The following ERCC6L variants were observed in gnomAD, a reference collection of about 807,000 sequenced individuals.
ERCC6L encodes the protein ERCC excision repair 6 like, spindle assembly checkpoint helicase, also known as DNA excision repair protein ERCC-6-like.
Under a neutral mutation model 20.1 loss-of-function variants are expected in ERCC6L, and 7 were observed. The observed-to-expected ratio is 0.35, with a 90% confidence interval of 0.20 to 0.65. The LOEUF (loss-of-function observed/expected upper bound fraction) is 0.65. Among genes scored for constraint, ERCC6L ranks in the 30% least tolerant of loss-of-function variants. The pLI is 0.69. For missense variants in ERCC6L, 592 were observed against 892.4 expected (o/e 0.66, Z 4.29); for synonymous variants, 278 against 331.3 (o/e 0.84, Z 1.75).
Position 72,207,102 on chromosome X carries a change from G to A in ERCC6L, c.1665C>T (p.Asp555=), listed in dbSNP as rs928138626. 1 of 1,211,592 alleles carries A rather than the reference G, an allele frequency of 8.3e-7. No homozygotes were observed. The highest frequency in any genetic ancestry group is 1.1e-6 in the Non-Finnish European group (1 of 895,505). The change falls in exon 2 of 2, where the codon GAC becomes GAT. Residue 555 remains aspartate, a synonymous_variant. Transcript: ENST00000334463. The part of the protein sequence containing the change: ...LTAATRVVIF[D]PSWNPATDAQ... ...CATCAGTTGCAGGATTCCAGCTAGG[G>A]TCAAAAATGACCACTCTAGTTGCTG... is the stretch of plus-strand genomic sequence containing the variant.
chrX:72,208,747 G>A, intron 1 of ERCC6L, 49 bp from the exon 2 acceptor site: 1 of 1,010,505 alleles, frequency 9.9e-7, no homozygotes, highest in Non-Finnish European at 1.3e-6. Context: ...TGAACATTCA[G>A]TCTAAGAATG....
At chrX:72,222,935 T>A (rs1193743547) in intron 1 of ERCC6L, among the ~76,000 whole-genome samples, 1 of 108,493 alleles carries the variant, frequency 9.2e-6, no homozygotes, top group African/African-American at 3.4e-5. Flanking sequence ...ACTGAAGCCA[T>A]GCTAAAATAT....
chrX:72,222,892 G>A (rs1347502659), intron 1 of ERCC6L, among the ~76,000 whole-genome samples: 6 of 106,850 alleles, frequency 5.6e-5, no homozygotes, highest in African/African-American at 1.4e-4. Flanking sequence ...CACTGCGCCC[G>A]GCCTGAATCC....
At chrX:72,224,610 G>C (rs1261325859) in intron 1 of ERCC6L, among the ~76,000 whole-genome samples, 1 of 111,255 alleles carries the variant, frequency 9.0e-6, no homozygotes, top group African/African-American at 3.3e-5. Flanking sequence ...ACTGGGCGTG[G>C]TGGTGCATGC....
At chrX:72,208,957 A>AT (rs777600114) in intron 1 of ERCC6L, among the ~76,000 whole-genome samples, 3 of 108,686 alleles carry the variant, frequency 2.8e-5, no homozygotes, top group East Asian at 2.8e-4. Flanking sequence ...GTTCCACAGT[A>AT]TTTTTTTTTT....
rs776324309 is a variant in ERCC6L, at chrX:72,207,576, C to T, written c.1191G>A (p.Thr397=). The change falls in exon 2 of 2, where the codon ACG becomes ACA. Residue 397 remains threonine (T), a synonymous_variant. Transcript: ENST00000334463. ...LDHIKELLME[T]RSPLAELGVL... ...CACCTAGCTCAGCCAAAGGTGAGCGCGTCTCCATTAGCAACTCCTTGATAT... is the reference window on the plus strand; with the variant it reads ...CACCTAGCTCAGCCAAAGGTGAGCGTGTCTCCATTAGCAACTCCTTGATAT... The T allele has an allele frequency of 5.8e-6, 7 of 1,209,619 alleles. No homozygotes were observed. Among genetic ancestry groups the T allele is most frequent in the African/African-American group, 1.8e-5 (1 of 57,081 alleles).
At chrX:72,233,721 CA>C (rs35310682) in intron 1 of ERCC6L, among the ~76,000 whole-genome samples, 5 of 89,609 alleles carry the variant, frequency 5.6e-5, no homozygotes, top group Admixed American at 1.2e-4. Context: ...GACTCCGTCT[CA>C]AAAAAAAAAA....
intron 1 of ERCC6L, among the ~76,000 whole-genome samples, chrX:72,226,582 G>C (rs1370943922): frequency 8.9e-6 from 1 of 111,740 alleles, no homozygotes; most frequent in Non-Finnish European, 1.9e-5. Flanking sequence ...CTTACTAAAG[G>C]CAGCTTTACT....
chrX:72,205,282 G>A lies in ERCC6L; in HGVS notation c.3485C>T (p.Thr1162Met). The change falls in exon 2 of 2, where the codon ACG becomes ATG. Residue 1162 changes from threonine to methionine, a missense_variant. Transcript: ENST00000334463. ...TTGAGCTAGAGCACTAGGCTTAGACGTCATTAACCAGCTGGACTTGTTTTC... is the reference window on the plus strand; with the variant it reads ...TTGAGCTAGAGCACTAGGCTTAGACATCATTAACCAGCTGGACTTGTTTTC... ...SSENKSSWLM[T>M]SKPSALAQET... The A allele has an allele frequency of 7.4e-6, 9 of 1,211,970 alleles. No individual in the cohort carries two copies. The highest frequency in any genetic ancestry group is 3.5e-5 in the South Asian group (2 of 56,971).
intron 1 of ERCC6L, among the ~76,000 whole-genome samples, chrX:72,228,625 G>C (rs911223966): frequency 9.0e-6 from 1 of 111,525 alleles, no homozygotes; most frequent in Non-Finnish European, 1.9e-5. Context: ...GTCCTTCAGC[G>C]GTACCCTTAC....
Position 72,205,611 on chromosome X carries a change from T to C in ERCC6L, c.3156A>G (p.Gln1052=), listed in dbSNP as rs370268517. 1 of 1,211,654 alleles carries C rather than the reference T, an allele frequency of 8.3e-7. No individual in the cohort carries two copies. The highest frequency in any genetic ancestry group is 1.1e-6 in the Non-Finnish European group (1 of 895,250). Residue 1052 remains glutamine (Q), a synonymous_variant, in exon 2 of 2, where the codon CAA becomes CAG. Transcript: ENST00000334463. ...CATCAAATTGTTTCACAGATGAGAATTGAAAGAGAGATGTGTTGAATGGAT... is the reference window on the plus strand; with the variant it reads ...CATCAAATTGTTTCACAGATGAGAACTGAAAGAGAGATGTGTTGAATGGAT... The part of the protein sequence containing the change: ...SINPFNTSLF[Q]FSSVKQFDAS...
Position 72,208,034 on chromosome X carries a change from G to C in ERCC6L, c.733C>G (p.Arg245Gly). 8.3e-7 allele frequency: 1 copy of C among 1,211,645 alleles called. No individual in the cohort carries two copies. The highest frequency in any genetic ancestry group is 1.8e-5 in the South Asian group (1 of 56,994). ...AGGCGATTACTTGCAGGAATAGCAC[G>C]AGCACATATTGCTGACTTAGTAGAT... Reference protein sequence around the residue: ...TSSTKSAICARAIPASNRLLL... With the variant: ...TSSTKSAICAGAIPASNRLLL... Residue 245 changes from arginine (R) to glycine (G), a missense_variant, in exon 2 of 2, where the codon CGT (arginine) becomes GGT (glycine). Around this residue, in one of 3 missense-constraint regions of ERCC6L, gnomAD observed 196 missense variants for 440.1 expected, o/e 0.45. Transcript: ENST00000334463.
chrX:72,206,983 T>C lies in ERCC6L; in HGVS notation c.1784A>G (p.Tyr595Cys). 8.3e-7 allele frequency: 1 copy of C among 1,211,338 alleles called. No individual in the cohort carries two copies. Among genetic ancestry groups the C allele is most frequent in the Non-Finnish European group, 1.1e-6 (1 of 895,383 alleles). ...TGAGTCCTTGAAAACCTGTCTTCTG[T>C]ATATTTTTTCCTCTACAGTCCCACA... is the stretch of plus-strand genomic sequence containing the variant. ...ITCGTVEEKI[Y>C]RRQVFKDSLI... The change falls in exon 2 of 2, where the codon TAC becomes TGC. Residue 595 changes from tyrosine (Y) to cysteine (C), a missense_variant. Tyr to Cys is a radical substitution (Grantham distance 194). Around this residue, in one of 3 missense-constraint regions of ERCC6L, gnomAD observed 196 missense variants for 440.1 expected, o/e 0.45. Transcript: ENST00000334463.
chrX:72,215,347 C>G (rs147760509), intron 1 of ERCC6L, among the ~76,000 whole-genome samples: 3,965 of 111,363 alleles, frequency 0.036, 196 homozygotes, highest in African/African-American at 0.12. Context: ...CAAATGTACA[C>G]TTAAGATTTG....
chrX:72,223,916 A>C (rs1443322332), intron 1 of ERCC6L, among the ~76,000 whole-genome samples: 2 of 111,181 alleles, frequency 1.8e-5, no homozygotes, highest in African/African-American at 3.3e-5. Flanking sequence ...AACCGTGCCC[A>C]ACTTGTGGTC....
At chrX:72,221,309 G>A (rs1480457465) in intron 1 of ERCC6L, among the ~76,000 whole-genome samples, 2 of 111,827 alleles carry the variant, frequency 1.8e-5, no homozygotes, top group Non-Finnish European at 3.8e-5. Flanking sequence ...CTTTCTCACG[G>A]TACCAGGAAA....
chrX:72,237,318 G>C (rs1472661680), intron 1 of ERCC6L, among the ~76,000 whole-genome samples: 3 of 111,412 alleles, frequency 2.7e-5, no homozygotes, highest in African/African-American at 9.8e-5. Context: ...GCAACATGGC[G>C]AGACCCTGTC....
At chrX:72,234,638 G>C (rs181348150) in intron 1 of ERCC6L, among the ~76,000 whole-genome samples, 1 of 111,204 alleles carries the variant, frequency 9.0e-6, no homozygotes, top group African/African-American at 3.3e-5. Flanking sequence ...CCTTATACCA[G>C]TGAGTGACAA....
rs774344950 is a variant in ERCC6L, at chrX:72,231,319, G to A, written c.68+7525C>T. On this transcript the variant is annotated intron_variant, in intron 1 of 1. Coordinates refer to ENST00000334463, the MANE Select transcript of ERCC6L (RefSeq NM_017669.4). The stretch of plus-strand genomic sequence containing the variant: ...TTGCTAGGTGAAATAAACCAGGCAC[G>A]GAGAGACAAATACTCCATGATCTCG... 5.9e-4 allele frequency among the ~76,000 whole-genome samples: 66 copies of A among 111,606 alleles called. 1 individual carries two copies. Among genetic ancestry groups the A allele is most frequent in the Middle Eastern group, 4.6e-3 (1 of 218 alleles).
Sources: gnomAD v4.1 joint callset for allele counts (sites outside exome capture counted in the v4.1 genomes callset) on GRCh38, gnomAD v4.1.1 for gene constraint, gnomAD v4.1.1 regional missense constraint, MANE v1.5 for transcripts, NCBI Gene and HGNC (gene_info 2026-07-23, HGNC 2026-07-21) for gene names.